The following HMCN1 variants were observed in gnomAD, a reference collection of about 807,000 sequenced individuals.
HMCN1 encodes the protein hemicentin-1.
In HMCN1, 321 loss-of-function variants were observed where a neutral mutation model predicts 625.9. The ratio of observed to expected loss-of-function variants is 0.51; its 90% confidence interval spans 0.47 to 0.56. The LOEUF is 0.56. Among genes scored for constraint, HMCN1 ranks in the 20% least tolerant of loss-of-function variants. The probability of loss-of-function intolerance (pLI) is 0.00; values close to 1 mark genes in which losing one functional copy is unlikely to be tolerated. For synonymous variants in HMCN1, 2,425 were observed against 2,417.6 expected (o/e 1.00, Z -0.09); for missense variants, 6,588 against 6,887.3 (o/e 0.96, Z 1.54).
At chr1:185,908,309 A>C (rs570191223) in intron 4 of HMCN1, among the ~76,000 whole-genome samples, 1 of 152,118 alleles carries the variant, frequency 6.6e-6, no homozygotes, top group South Asian at 2.1e-4. Flanking sequence ...AAATGTGACC[A>C]CTTACACCTA....
chr1:185,971,536 A>G (rs1238617981), intron 15 of HMCN1, among the ~76,000 whole-genome samples: 2 of 152,190 alleles, frequency 1.3e-5, no homozygotes, highest in Non-Finnish European at 1.5e-5. Context: ...ATTGCATTCA[A>G]TTGTCCTCTA....
At chr1:186,007,307 T>C in intron 30 of HMCN1, 25 bp downstream of exon 30, 1 of 1,609,034 alleles carries the variant, frequency 6.2e-7, no homozygotes, top group Non-Finnish European at 8.5e-7. Flanking sequence ...CTTATGCTTT[T>C]TATTGTCTGC....
chr1:185,827,049 G>A (rs1379175845), intron 1 of HMCN1, among the ~76,000 whole-genome samples: 10 of 151,756 alleles, frequency 6.6e-5, no homozygotes, highest in Admixed American at 5.2e-4. Context: ...GGTAGCGCCT[G>A]TAGTCCCAGC....
intron 29 of HMCN1, among the ~76,000 whole-genome samples, chr1:186,004,877 G>A (rs1482300824): frequency 6.6e-6 from 1 of 151,922 alleles, no homozygotes; most frequent in Non-Finnish European, 1.5e-5. Context: ...TGGGAGAATA[G>A]GTAGATACTT....
chr1:185,861,656 A>G lies in HMCN1; in HGVS notation c.340-2814A>G, dbSNP rs193054963. 7.5e-4 allele frequency among the ~76,000 whole-genome samples: 115 copies of G among 152,318 alleles called. 1 individual carries two copies. Among genetic ancestry groups the G allele is most frequent in the South Asian group, 4.1e-4 (2 of 4,824 alleles). ...TGTCTATTTCCCACTTTCCTATTAC[A>G]TAAATTTTCATTCAAGGTCATTGTT... On this transcript the variant is annotated intron_variant, in intron 2 of 106. Coordinates refer to ENST00000271588, the MANE Select transcript of HMCN1 (RefSeq NM_031935.3).
intron 1 of HMCN1, among the ~76,000 whole-genome samples, chr1:185,759,563 T>C (rs533390282): frequency 6.6e-6 from 1 of 152,356 alleles, no homozygotes; most frequent in African/African-American, 2.4e-5. Context: ...TGGAAAGCTA[T>C]GTGCTTATTG....
At position 185,933,551 on chromosome 1, in the gene HMCN1, C is replaced by T. The variant is rs1453387592; in HGVS notation, c.1555C>T (p.Pro519Ser). 12 of 1,613,694 alleles carry T rather than the reference C, an allele frequency of 7.4e-6. No individual in the cohort carries two copies. Among genetic ancestry groups the T allele is most frequent in the African/African-American group, 1.3e-5 (1 of 74,900 alleles). ...RAQTFFDVSE[P>S]PPVIQVPNNV... ...TTGAATTTTTTGATTTCACACAGAG[C>T]CCCCTCCGGTCATCCAAGTGCCTAA... is the stretch of plus-strand genomic sequence containing the variant. The change falls in exon 11 of 107, where the codon CCC becomes TCC. Residue 519 changes from proline (P) to serine (S), a missense_variant and splice_region_variant. Coordinates refer to ENST00000271588, the MANE Select transcript of HMCN1 (RefSeq NM_031935.3).
chr1:185,874,066 A>G (rs1405451744), intron 4 of HMCN1, among the ~76,000 whole-genome samples: 4 of 151,992 alleles, frequency 2.6e-5, no homozygotes, highest in Non-Finnish European at 5.9e-5. Context: ...AAACCTTTGG[A>G]AAAAACATAT....
intron 25 of HMCN1, among the ~76,000 whole-genome samples, chr1:185,997,845 G>A (rs958497150): frequency 1.4e-5 from 2 of 143,852 alleles, no homozygotes; most frequent in African/African-American, 5.2e-5. Context: ...TCTTTACAAT[G>A]TGATAGCTGG....
intron 70 of HMCN1, among the ~76,000 whole-genome samples, chr1:186,107,846 C>A (rs557214699): frequency 6.6e-6 from 1 of 151,828 alleles, no homozygotes; most frequent in African/African-American, 2.4e-5. Context: ...AAGAGTTGGG[C>A]CAGTTAGACT....
chr1:186,173,088 C>T (rs1041445036), intron 102 of HMCN1, among the ~76,000 whole-genome samples: 1 of 152,138 alleles, frequency 6.6e-6, no homozygotes, highest in Non-Finnish European at 1.5e-5. Context: ...AGCTATCTAA[C>T]CTTGGACAAG....
rs538635232 is a variant in HMCN1 at position 185,893,569 on chromosome 1, C to T, written c.622-15768C>T. Among the ~76,000 whole-genome samples, 219 of 152,120 alleles carry T rather than the reference C, an allele frequency of 1.4e-3. 1 individual carries two copies. The highest frequency in any genetic ancestry group is 5.0e-3 in the African/African-American group (207 of 41,494). On this transcript the variant is annotated intron_variant, in intron 4 of 106. Coordinates refer to ENST00000271588, the MANE Select transcript of HMCN1 (RefSeq NM_031935.3). ...GGTTTCCCGAGTGTGTGGTATATTGCCCAGCATCATTGTAAATTTTGCTAC... is the reference window on the plus strand; with the variant it reads ...GGTTTCCCGAGTGTGTGGTATATTGTCCAGCATCATTGTAAATTTTGCTAC...
intron 14 of HMCN1, among the ~76,000 whole-genome samples, chr1:185,966,501 G>C (rs1461273179): frequency 1.3e-5 from 2 of 152,050 alleles, no homozygotes; most frequent in African/African-American, 4.8e-5. Flanking sequence ...TATGCCACTT[G>C]TCCTTGGTGA....
intron 9 of HMCN1, among the ~76,000 whole-genome samples, chr1:185,928,210 A>G (rs1667372045): frequency 6.6e-6 from 1 of 152,122 alleles, no homozygotes; most frequent in African/African-American, 2.4e-5. Context: ...ATGACCAAAA[A>G]CTGGAAAAAA....
chr1:185,887,379 C>T (rs1664730793), intron 4 of HMCN1, among the ~76,000 whole-genome samples: 1 of 151,512 alleles, frequency 6.6e-6, no homozygotes, highest in African/African-American at 2.4e-5. Flanking sequence ...CATACGTATA[C>T]ATGTGCCATG....
intron 103 of HMCN1, among the ~76,000 whole-genome samples, chr1:186,177,619 A>G (rs1316595847): frequency 1.3e-5 from 2 of 152,204 alleles, no homozygotes; most frequent in African/African-American, 4.8e-5. Context: ...CAGAAAGACC[A>G]AGTCATTTAA....
intron 1 of HMCN1, 101 bp downstream of exon 1, chr1:185,735,148 T>A (rs1459152261): frequency 1.5e-5 from 20 of 1,310,618 alleles, no homozygotes; most frequent in South Asian, 4.9e-5. Context: ...AAAACCATTT[T>A]AAAAAAATGT....
intron 47 of HMCN1, 64 bp from the exon 48 acceptor site, chr1:186,062,450 A>G (rs1342841817): frequency 4.2e-6 from 4 of 945,820 alleles, no homozygotes; most frequent in Non-Finnish European, 6.9e-6. Context: ...CCATACATAA[A>G]TATCTATAAA....
intron 16 of HMCN1, 75 bp downstream of exon 16, chr1:185,978,056 G>T: frequency 9.3e-7 from 1 of 1,072,216 alleles, no homozygotes; most frequent in East Asian, 2.6e-5. Flanking sequence ...CATAGGTATT[G>T]CTATTTAAAA....
Sources: gnomAD v4.1 joint callset for allele counts (sites outside exome capture counted in the v4.1 genomes callset) on GRCh38, gnomAD v4.1.1 for gene constraint, MANE v1.5 for transcripts, NCBI Gene and HGNC (gene_info 2026-07-23, HGNC 2026-07-21) for gene names.